The following CTNNA3 variants were observed in gnomAD, a reference collection of about 807,000 sequenced individuals.
The protein encoded by CTNNA3 is catenin alpha 3, also known as catenin alpha-3.
In CTNNA3, 76 loss-of-function variants were observed where a neutral mutation model predicts 95.7. The observed-to-expected ratio is 0.79, with a 90% CI of 0.66 to 0.96. The LOEUF (loss-of-function observed/expected upper bound fraction) is 0.96. CTNNA3 is among the 40% of genes least tolerant of loss of function. The probability of loss-of-function intolerance (pLI) is 0.00; values close to 1 mark genes in which losing one functional copy is unlikely to be tolerated. For synonymous variants in CTNNA3, 431 were observed against 374.4 expected (o/e 1.15, Z -1.74); for missense variants, 1,191 against 1,089.8 (o/e 1.09, Z -1.31).
intron 5 of CTNNA3, among the ~76,000 whole-genome samples, chr10:67,476,456 G>GGCAGTCGGAGCACCCACTCCT (rs2133040958): frequency 6.6e-6 from 1 of 152,058 alleles, no homozygotes; most frequent in South Asian, 2.1e-4. Context: ...CAGATCTCCA[G>GGCAGTCGGAGCACCCACTCCT]GCAGTCGGAG....
intron 2 of CTNNA3, among the ~76,000 whole-genome samples, chr10:67,646,484 G>A (rs183071440): frequency 6.6e-5 from 10 of 151,894 alleles, no homozygotes; most frequent in Middle Eastern, 3.4e-3. Context: ...ATTGTCTTTC[G>A]AGTAGCAGAT....
chr10:67,543,125 C>G (rs940433762), intron 3 of CTNNA3, among the ~76,000 whole-genome samples: 1 of 151,992 alleles, frequency 6.6e-6, no homozygotes, highest in Admixed American at 6.6e-5. Context: ...GCCAGAAGAA[C>G]TAGGTTTAGA....
At chr10:66,178,043 A>C (rs1359255526) in intron 13 of CTNNA3, among the ~76,000 whole-genome samples, 2 of 151,804 alleles carry the variant, frequency 1.3e-5, no homozygotes, top group African/African-American at 4.8e-5. Flanking sequence ...ATTTTTAATG[A>C]TATGATACTG....
At chr10:67,698,323 T>C (rs1470524350), upstream of CTNNA3, among the ~76,000 whole-genome samples, 1 of 151,256 alleles carries the variant, frequency 6.6e-6, no homozygotes, top group African/African-American at 2.4e-5. Flanking sequence ...AGTAAGTTTT[T>C]TCGTTCTGGG....
chr10:66,008,232 G>A (rs1295858986), intron 15 of CTNNA3, among the ~76,000 whole-genome samples: 2 of 152,202 alleles, frequency 1.3e-5, no homozygotes, highest in African/African-American at 2.4e-5. Context: ...CAACAGCCAC[G>A]TGACAGGGAG....
intron 9 of CTNNA3, among the ~76,000 whole-genome samples, chr10:66,699,535 G>GA (rs1320604577): frequency 6.6e-6 from 1 of 151,688 alleles, no homozygotes; most frequent in Admixed American, 6.6e-5. Context: ...GTCTTGTTTA[G>GA]AAAAATGTCT....
rs192885960 is a variant in CTNNA3, at chr10:66,871,806, C to T, written c.1048-96282G>A. On this transcript the variant is annotated intron_variant, in intron 7 of 17. Coordinates refer to ENST00000433211, the MANE Select transcript of CTNNA3 (RefSeq NM_013266.4). ...AGGGATTTTGAAATAATCATAAATG[C>T]CAGAGTTTAAAAGGATAATTTTCTT... Among the ~76,000 whole-genome samples, 51 of 152,180 alleles carry T rather than the reference C, an allele frequency of 3.4e-4. 1 individual carries two copies. The highest frequency in any genetic ancestry group is 1.2e-3 in the African/African-American group (50 of 41,530).
At chr10:67,460,101 C>T (rs943023061) in intron 5 of CTNNA3, among the ~76,000 whole-genome samples, 15 of 152,072 alleles carry the variant, frequency 9.9e-5, no homozygotes, top group African/African-American at 3.6e-4. Flanking sequence ...TTCCTTCATA[C>T]CAATATTCTT....
At chr10:67,483,209 A>C (rs1048252912) in intron 5 of CTNNA3, among the ~76,000 whole-genome samples, 9 of 151,650 alleles carry the variant, frequency 5.9e-5, no homozygotes, top group Non-Finnish European at 1.3e-4. Context: ...GTCAGTGTGG[A>C]GATTCCTCAG....
Position 67,676,127 on chromosome 10 carries a change from A to G in CTNNA3, c.-6+19873T>C, listed in dbSNP as rs1840530529. Reference sequence around the variant, plus strand: ...AAGGATGGCTACTTATTTCAGGTTAATTTTTTAGCTTGGTCTTTAAAATAT... The same window carrying G: ...AAGGATGGCTACTTATTTCAGGTTAGTTTTTTAGCTTGGTCTTTAAAATAT... On this transcript the variant is annotated intron_variant, in intron 1 of 17. Coordinates refer to ENST00000433211, the MANE Select transcript of CTNNA3 (RefSeq NM_013266.4). Among the ~76,000 whole-genome samples, 6 of 152,212 alleles carry G rather than the reference A, an allele frequency of 3.9e-5. 1 individual carries two copies. The South Asian group carries it at 1.2e-3, about 32-fold the overall frequency.
chr10:66,662,855 C>T (rs563101904), intron 9 of CTNNA3, among the ~76,000 whole-genome samples: 9 of 152,168 alleles, frequency 5.9e-5, no homozygotes, highest in African/African-American at 2.2e-4. Context: ...CTCCTTTGGT[C>T]TCATATCTAC....
intron 2 of CTNNA3, among the ~76,000 whole-genome samples, chr10:67,641,167 AC>A (rs1839518492): frequency 6.6e-6 from 1 of 152,188 alleles, no homozygotes; most frequent in Non-Finnish European, 1.5e-5. Context: ...AAGAAAAAAA[AC>A]AAACAACCCC....
intron 7 of CTNNA3, among the ~76,000 whole-genome samples, chr10:67,102,976 A>C (rs181619511): frequency 1.3e-5 from 2 of 151,902 alleles, no homozygotes; most frequent in Admixed American, 1.3e-4. Context: ...TTGACAAATA[A>C]TTTTATTTGT....
intron 10 of CTNNA3, among the ~76,000 whole-genome samples, chr10:66,543,905 GTGTGTGTATATATATA>G (rs370653343): frequency 0.33 from 33,594 of 102,100 alleles, 5,912 homozygotes; most frequent in Admixed American, 0.41. Flanking sequence ...TGAGATGTGT[GTGTGTGTATATATATA>G]TATATATATA....
chr10:67,301,291 A>C (rs1840256504), intron 5 of CTNNA3, among the ~76,000 whole-genome samples: 1 of 152,054 alleles, frequency 6.6e-6, no homozygotes, highest in African/African-American at 2.4e-5. Context: ...ATTATTAAAA[A>C]CCACAATGAG....
At position 67,041,777 on chromosome 10, in the gene CTNNA3, C is replaced by T. The variant is rs150907945; in HGVS notation, c.1047+138540G>A. On this transcript the variant is annotated intron_variant, in intron 7 of 17. Transcript: ENST00000433211. ...ATAAATAAGATAATATTCTATCCTCCAGTTTTGCTTAGAATTCAGTAAGGA... is the reference window on the plus strand; with the variant it reads ...ATAAATAAGATAATATTCTATCCTCTAGTTTTGCTTAGAATTCAGTAAGGA... Among the ~76,000 whole-genome samples the T allele has an allele frequency of 1.2e-4, 18 of 152,172 alleles. No homozygotes were observed. The East Asian group carries it at 2.9e-3, about 24-fold the overall frequency.
chr10:66,432,089 C>G (rs558640794), intron 11 of CTNNA3, among the ~76,000 whole-genome samples: 2 of 151,300 alleles, frequency 1.3e-5, no homozygotes, highest in East Asian at 3.9e-4. Context: ...TAAAATAATT[C>G]TGGATATTGA....
chr10:66,622,572 C>T (rs1336040271), intron 9 of CTNNA3, among the ~76,000 whole-genome samples: 4 of 152,244 alleles, frequency 2.6e-5, no homozygotes, highest in African/African-American at 9.6e-5. Flanking sequence ...ATTCTTCTTA[C>T]TAACACAGTA....
intron 11 of CTNNA3, among the ~76,000 whole-genome samples, chr10:66,383,458 A>T (rs1239054970): frequency 6.6e-6 from 1 of 152,228 alleles, no homozygotes; most frequent in Non-Finnish European, 1.5e-5. Context: ...AAAAGACCAA[A>T]TCTATGTTTG....
Sources: gnomAD v4.1 joint callset for allele counts (sites outside exome capture counted in the v4.1 genomes callset) on GRCh38, gnomAD v4.1.1 for gene constraint, MANE v1.5 for transcripts, NCBI Gene and HGNC (gene_info 2026-07-23, HGNC 2026-07-21) for gene names.